Variants in WDR11 observed in about 807,000 individuals in gnomAD.
WDR11 encodes the protein WD repeat domain 11, also known as WD repeat-containing protein 11.
A neutral mutation model predicts 151.2 loss-of-function variants in WDR11; 83 were observed. The observed-to-expected ratio is 0.55, with a 90% CI of 0.46 to 0.66. WDR11 has a LOEUF of 0.66. Ranked by LOEUF, WDR11 falls within the 30% of genes least tolerant of loss-of-function variation. The probability of loss-of-function intolerance (pLI) is 0.00; values close to 1 mark genes in which losing one functional copy is unlikely to be tolerated. For synonymous variants in WDR11, 484 were observed against 533.1 expected (o/e 0.91, Z 1.27); for missense variants, 1,301 against 1,480.9 (o/e 0.88, Z 1.99).
intron 11 of WDR11, among the ~76,000 whole-genome samples, chr10:120,876,838 A>C (rs1247395414): frequency 1.3e-5 from 2 of 152,244 alleles, no homozygotes; most frequent in Admixed American, 1.3e-4. Context: ...TAAGAAACTG[A>C]AAATTACAGA....
intron 4 of WDR11, among the ~76,000 whole-genome samples, chr10:120,860,862 C>T (rs888102658): frequency 6.6e-6 from 1 of 152,168 alleles, no homozygotes; most frequent in East Asian, 1.9e-4. Flanking sequence ...ATTTAATCAT[C>T]CAACAGATAT....
chr10:120,862,696 C>G (rs1221087184), intron 4 of WDR11, 39 bp from the exon 5 acceptor site: 1 of 1,599,550 alleles, frequency 6.3e-7, no homozygotes, highest in Non-Finnish European at 8.6e-7. Context: ...TGCTAAACTT[C>G]ATTAAACTTT....
Position 120,900,134 on chromosome 10 carries a change from A to G in WDR11, c.2621A>G (p.His874Arg). 1 of 1,610,634 alleles carries G rather than the reference A, an allele frequency of 6.2e-7. No individual in the cohort carries two copies. Among genetic ancestry groups the G allele is most frequent in the Non-Finnish European group, 8.5e-7 (1 of 1,176,896 alleles). Residue 874 changes from histidine (H) to arginine (R), a missense_variant, in exon 20 of 29, where the codon CAT becomes CGT. His to Arg is a conservative substitution (Grantham distance 29, BLOSUM62 0). Around this residue, in one of 3 missense-constraint regions of WDR11, gnomAD observed 589 missense variants for 670.6 expected, o/e 0.88. Transcript: ENST00000263461. Reference protein sequence around the residue: ...WNGQYSLDISHVDYPENEEIK... With the variant: ...WNGQYSLDISRVDYPENEEIK... ...GGACAGTATTCTTTGGACATTTCTC[A>G]TGTGTAAGTTTTTCACTTTTCTTTT...
intron 19 of WDR11, among the ~76,000 whole-genome samples, chr10:120,899,437 T>C (rs1036990127): frequency 2.6e-5 from 4 of 152,214 alleles, no homozygotes; most frequent in Non-Finnish European, 5.9e-5. Context: ...CATTGAATCC[T>C]TTATTCAAGT....
chr10:120,901,710 ATAAT>A (rs1847824506), intron 21 of WDR11, among the ~76,000 whole-genome samples: 1 of 152,250 alleles, frequency 6.6e-6, no homozygotes, highest in Non-Finnish European at 1.5e-5. Context: ...AAAATTCAAA[ATAAT>A]TAGTTTTTTC....
In WDR11 at chr10:120,905,982, C is replaced by A; in HGVS notation, c.3398C>A (p.Ser1133Tyr). 6.2e-7 allele frequency: 1 copy of A among 1,614,124 alleles called. No homozygotes were observed. Among genetic ancestry groups the A allele is most frequent in the Non-Finnish European group, 8.5e-7 (1 of 1,180,042 alleles). Residue 1133 changes from serine to tyrosine, a missense_variant, in exon 27 of 29, where the codon TCT (serine) becomes TAT (tyrosine). Physicochemically the swap from Ser to Tyr is moderately radical, Grantham distance 144 (BLOSUM62 -2). Transcript: ENST00000263461. ...QKSKALLVLL[S>Y]LGCFFSVAET... ...TCAAAGGCTCTCCTGGTTCTCCTCT[C>A]TCTGGGCTGCTTTTTTAGCGTGGCA...
chr10:120,906,941 C>T (rs924237163), intron 28 of WDR11, 86 bp downstream of exon 28: 2 of 1,563,198 alleles, frequency 1.3e-6, no homozygotes, highest in Non-Finnish European at 1.8e-6. Flanking sequence ...GCTGCCTGGA[C>T]AGGAACTATA....
chr10:120,896,014 A>G (rs1333156234), intron 19 of WDR11, among the ~76,000 whole-genome samples: 1 of 152,206 alleles, frequency 6.6e-6, no homozygotes, highest in Non-Finnish European at 1.5e-5. Flanking sequence ...AAATGCACAC[A>G]AAGTTATTCA....
At chr10:120,869,141 T>C (rs6585667) in intron 9 of WDR11, among the ~76,000 whole-genome samples, 26,037 of 137,298 alleles carry the variant, frequency 0.19, 3,057 homozygotes, top group African/African-American at 0.34. Flanking sequence ...GACGGAGTCT[T>C]GCTCTGTCGC....
At position 120,878,415 on chromosome 10, in the gene WDR11, T is replaced by C. The variant is rs200403895; in HGVS notation, c.1619T>C (p.Met540Thr). 6.8e-6 allele frequency: 11 copies of C among 1,613,282 alleles called. No individual in the cohort carries two copies. In the East Asian group the frequency reaches 2.2e-4, roughly 33 times the overall value. Reference protein sequence around the residue: ...LSFATSTPNNMGLVRNELQLV... With the variant: ...LSFATSTPNNTGLVRNELQLV... ...TTTGCTACCTCAACACCAAACAATA[T>C]GGGATTAGTGAGAAATGAACTTCAA... The change falls in exon 12 of 29, where the codon ATG (methionine) becomes ACG (threonine). Residue 540 changes from methionine to threonine, a missense_variant. Met to Thr is a moderately conservative substitution (Grantham distance 81, BLOSUM62 -1). This residue lies in a region of WDR11 where 692 missense variants were observed against 762.5 expected (regional missense o/e 0.91). Coordinates refer to ENST00000263461, the MANE Select transcript of WDR11 (RefSeq NM_018117.12).
chr10:120,867,434 A>C (rs896667541), intron 9 of WDR11, among the ~76,000 whole-genome samples: 4 of 152,248 alleles, frequency 2.6e-5, no homozygotes, highest in African/African-American at 9.6e-5. Context: ...AAGCAATGAC[A>C]TTAGGCATCT....
intron 19 of WDR11, among the ~76,000 whole-genome samples, chr10:120,898,822 C>T (rs6585675): frequency 0.37 from 56,563 of 151,984 alleles, 10,618 homozygotes; most frequent in Admixed American, 0.44. Context: ...TAAACCTCTT[C>T]TCTTTATAAA....
chr10:120,858,882 C>T, intron 3 of WDR11, 86 bp downstream of exon 3: 1 of 1,511,760 alleles, frequency 6.6e-7, no homozygotes, highest in Non-Finnish European at 9.1e-7. Flanking sequence ...TTCCCCCATT[C>T]ATTTAATTTT....
At chr10:120,867,362 G>C (rs569621762) in intron 9 of WDR11, among the ~76,000 whole-genome samples, 193 bp downstream of exon 9, 1 of 152,186 alleles carries the variant, frequency 6.6e-6, no homozygotes, top group Non-Finnish European at 1.5e-5. Flanking sequence ...GAAGTAGCAC[G>C]GGTTTGCATT....
rs1412951802 is a variant in WDR11, at chr10:120,873,931, T to C, written c.1556+8T>C. 5 of 1,594,978 alleles carry C rather than the reference T, an allele frequency of 3.1e-6. No homozygotes were observed. Among genetic ancestry groups the C allele is most frequent in the Non-Finnish European group, 4.3e-6 (5 of 1,163,058 alleles). The stretch of plus-strand genomic sequence containing the variant: ...CCACTCATGTGAAGTCAAGTAAGTA[T>C]GTCATTGTGATGATGACATCACAAA... On this transcript the variant is annotated splice_region_variant and intron_variant, in intron 11 of 28. Coordinates refer to ENST00000263461, the MANE Select transcript of WDR11 (RefSeq NM_018117.12).
At chr10:120,860,066 G>A in intron 3 of WDR11, 43 bp from the exon 4 acceptor site, 1 of 1,612,232 alleles carries the variant, frequency 6.2e-7, no homozygotes, top group Non-Finnish European at 8.5e-7. Flanking sequence ...ACTTTGGAGA[G>A]TGTGGTTTCT....
At chr10:120,878,504 A>G in intron 12 of WDR11, 45 bp downstream of exon 12, 1 of 1,473,472 alleles carries the variant, frequency 6.8e-7, no homozygotes, top group Non-Finnish European at 9.5e-7. Context: ...TTGAATAAAC[A>G]TGTTGCCATT....
chr10:120,866,508 A>T (rs1204541458), intron 7 of WDR11, 61 bp from the exon 8 acceptor site: 12 of 1,593,232 alleles, frequency 7.5e-6, no homozygotes, highest in Non-Finnish European at 1.0e-5. Context: ...TTTAAATTGA[A>T]ACAAACAGTA....
At position 120,890,035 on chromosome 10, in the gene WDR11, C is replaced by T. The variant is rs377276149; in HGVS notation, c.2343+26C>T. 31 of 1,493,150 alleles carry T rather than the reference C, an allele frequency of 2.1e-5. 1 individual carries two copies. Among genetic ancestry groups the T allele is most frequent in the South Asian group, 8.0e-5 (7 of 87,728 alleles). 92.5% of individuals were successfully genotyped at this position (1,493,150 alleles called of 1,614,324 possible). ...GTAGGCCCTCTCCATGAGGATAAAA[C>T]GTAAATAAATTGTTAGCCATAGGAA... On this transcript the variant is annotated intron_variant, in intron 18 of 28. Transcript: ENST00000263461.
Sources: gnomAD v4.1 joint callset for allele counts (sites outside exome capture counted in the v4.1 genomes callset) on GRCh38, gnomAD v4.1.1 for gene constraint, gnomAD v4.1.1 regional missense constraint, MANE v1.5 for transcripts, NCBI Gene and HGNC (gene_info 2026-07-23, HGNC 2026-07-21) for gene names.